ALOX5AP: variants seen among roughly 807,000 people sequenced by gnomAD.
The protein encoded by ALOX5AP is arachidonate 5-lipoxygenase activating protein.
Under a neutral mutation model 18.5 loss-of-function variants are expected in ALOX5AP, and 9 were observed. The ratio of observed to expected loss-of-function variants is 0.49; its 90% CI spans 0.29 to 0.85. The LOEUF is 0.85. Among genes scored for constraint, ALOX5AP ranks in the 40% least tolerant of loss-of-function variants. ALOX5AP has a pLI of 0.08. For synonymous variants in ALOX5AP, 81 were observed against 78.6 expected (o/e 1.03, Z -0.16); for missense variants, 172 against 202.5 (o/e 0.85, Z 0.91).
At chr13:30,752,009 C>T in intron 2 of ALOX5AP, 43 bp from the exon 3 acceptor site, 1 of 1,570,440 alleles carries the variant, frequency 6.4e-7, no homozygotes, top group Non-Finnish European at 8.8e-7. Context: ...ATTGCACTAA[C>T]TTGGTCTCTG....
upstream of ALOX5AP, among the ~76,000 whole-genome samples, chr13:30,734,006 T>C (rs1291758648): frequency 8.5e-5 from 13 of 152,308 alleles, no homozygotes; most frequent in Non-Finnish European, 7.4e-5. Flanking sequence ...CACCAGCAGC[T>C]TTTCTGAGTC....
At chr13:30,719,739 C>G (rs1224390948) in intron 1 of ALOX5AP, among the ~76,000 whole-genome samples, 1 of 152,166 alleles carries the variant, frequency 6.6e-6, no homozygotes, top group Non-Finnish European at 1.5e-5. Context: ...AGTGAGGCGA[C>G]TGGTCAGGAT....
rs150531477 is a variant in ALOX5AP at position 30,730,432 on chromosome 13, A to G, written c.117-5119A>G. Among the ~76,000 whole-genome samples, 120 of 152,278 alleles carry G rather than the reference A, an allele frequency of 7.9e-4. 1 individual carries two copies. The highest frequency in any genetic ancestry group is 2.8e-3 in the African/African-American group (115 of 41,542). The stretch of plus-strand genomic sequence containing the variant: ...TTCGTATCACTTACTATTCAGCTCA[A>G]TATTGGTCTGAATATTCTTTAGACT... On this transcript the variant is annotated intron_variant, in intron 1 of 5. Transcript: ENST00000617770.
intron 2 of ALOX5AP, among the ~76,000 whole-genome samples, chr13:30,749,711 G>T (rs1213272315): frequency 6.6e-6 from 1 of 152,190 alleles, no homozygotes; most frequent in African/African-American, 2.4e-5. Flanking sequence ...AGGTCAGCAG[G>T]GGTCTGCTCT....
At chr13:30,742,728 G>A (rs1002866416) in intron 1 of ALOX5AP, among the ~76,000 whole-genome samples, 1 of 152,194 alleles carries the variant, frequency 6.6e-6, no homozygotes, top group East Asian at 1.9e-4. Context: ...TTTTGAGGAG[G>A]ATAATATGAA....
intron 1 of ALOX5AP, among the ~76,000 whole-genome samples, chr13:30,730,072 T>C (rs560416466): frequency 6.6e-6 from 1 of 152,360 alleles, no homozygotes; most frequent in South Asian, 2.1e-4. Flanking sequence ...TTGTCTTCTA[T>C]TTGTTCGCTT....
chr13:30,733,158 C>CAA (rs34069656), upstream of ALOX5AP, among the ~76,000 whole-genome samples: 1,091 of 82,234 alleles, frequency 0.013, 16 homozygotes, highest in African/African-American at 0.038. Flanking sequence ...GACTCCGTCT[C>CAA]AAAAAAAAAA....
exon 1 of ALOX5AP, chr13:30,713,650 A>G (rs186970002): frequency 1.2e-4 from 133 of 1,078,074 alleles, no homozygotes; most frequent in Non-Finnish European, 1.5e-4. Flanking sequence ...ACCCTGTCAC[A>G]TCTGGACAAT....
chr13:30,742,867 C>A (rs1164676939), intron 1 of ALOX5AP, among the ~76,000 whole-genome samples: 11 of 135,772 alleles, frequency 8.1e-5, no homozygotes, highest in South Asian at 2.8e-4. Context: ...CCGCCCCCCC[C>A]CCACCCCCCA....
At chr13:30,753,997 T>G (rs1432275871) in intron 3 of ALOX5AP, among the ~76,000 whole-genome samples, 1 of 152,186 alleles carries the variant, frequency 6.6e-6, no homozygotes, top group Admixed American at 6.5e-5. Flanking sequence ...CCCAGCACTT[T>G]GGGAGGCCGA....
intron 1 of ALOX5AP, 113 bp downstream of exon 1, chr13:30,735,788 T>A: frequency 1.3e-5 from 15 of 1,176,408 alleles, no homozygotes; most frequent in Non-Finnish European, 1.8e-5. Context: ...CAAACACTTT[T>A]ACCTTATCTT....
rs566532033 is a variant in ALOX5AP at position 30,755,200 on chromosome 13, A to G, written c.242-744A>G. ...TCTCCTTCCCAAAAGGCTAGAACGCAGAGGGAATCTCCTTCCCAAAAGGCT... is the reference window on the plus strand; with the variant it reads ...TCTCCTTCCCAAAAGGCTAGAACGCGGAGGGAATCTCCTTCCCAAAAGGCT... On this transcript the variant is annotated intron_variant, in intron 3 of 4. Coordinates refer to ENST00000380490, the MANE Select transcript of ALOX5AP (RefSeq NM_001629.4). Among the ~76,000 whole-genome samples the G allele has an allele frequency of 2.6e-5, 4 of 152,332 alleles. No homozygotes were observed. In the East Asian group the frequency reaches 7.7e-4, roughly 29 times the overall value.
chr13:30,747,973 G>T (rs548322221), intron 2 of ALOX5AP, among the ~76,000 whole-genome samples: 3 of 152,064 alleles, frequency 2.0e-5, no homozygotes, highest in South Asian at 4.2e-4. Context: ...AGGCTGGAGT[G>T]CAGTGGTGCA....
chr13:30,730,440 C>T (rs905201531), intron 1 of ALOX5AP, among the ~76,000 whole-genome samples: 1 of 152,192 alleles, frequency 6.6e-6, no homozygotes, highest in Admixed American at 6.5e-5. Flanking sequence ...CAATATTGGT[C>T]TGAATATTCT....
At chr13:30,733,190 G>GGAGA (rs376701890), upstream of ALOX5AP, among the ~76,000 whole-genome samples, 1 of 150,508 alleles carries the variant, frequency 6.6e-6, no homozygotes, top group African/African-American at 2.4e-5. Context: ...AGGAAGGGCG[G>GGAGA]GAGAGAGAGA....
chr13:30,755,154 AAGGCT>A (rs1171773255), intron 3 of ALOX5AP, among the ~76,000 whole-genome samples: 3 of 152,020 alleles, frequency 2.0e-5, no homozygotes, highest in Non-Finnish European at 4.4e-5. Flanking sequence ...TCCTTCCCAA[AAGGCT>A]AGAACGCAGA....
chr13:30,763,633 T>C (rs1951964305), intron 4 of ALOX5AP, among the ~76,000 whole-genome samples: 1 of 152,136 alleles, frequency 6.6e-6, no homozygotes, highest in South Asian at 2.1e-4. Flanking sequence ...GAACCTGCCA[T>C]CTTCAGGCCA....
chr13:30,720,795 T>C (rs1229748325), intron 1 of ALOX5AP, among the ~76,000 whole-genome samples: 1 of 152,254 alleles, frequency 6.6e-6, no homozygotes, highest in Admixed American at 6.5e-5. Context: ...TTTCCTTGCA[T>C]GTTGCAAAAT....
intron 1 of ALOX5AP, among the ~76,000 whole-genome samples, chr13:30,715,711 C>T (rs1951545121): frequency 6.6e-6 from 1 of 152,168 alleles, no homozygotes; most frequent in Non-Finnish European, 1.5e-5. Context: ...TGTTCAGATG[C>T]CGAGGCATTT....
Sources: gnomAD v4.1 joint callset for allele counts (sites outside exome capture counted in the v4.1 genomes callset) on GRCh38, gnomAD v4.1.1 for gene constraint, MANE v1.5 for transcripts, NCBI Gene and HGNC (gene_info 2026-07-23, HGNC 2026-07-21) for gene names.